STK3: variants seen among roughly 807,000 people sequenced by gnomAD.
STK3 encodes the protein serine/threonine-protein kinase 3.
A neutral mutation model predicts 58.0 loss-of-function variants in STK3; 41 were observed. The observed-to-expected ratio is 0.71, with a 90% CI of 0.55 to 0.92. The LOEUF (loss-of-function observed/expected upper bound fraction) is 0.92, where lower values mean the gene tolerates loss of function less well. Ranked by LOEUF, STK3 falls within the 40% of genes least tolerant of loss-of-function variation. The pLI is 0.00. For synonymous variants in STK3, 170 were observed against 191.0 expected, an observed-to-expected ratio of 0.89 and a Z score of 0.91; for missense variants, 479 against 602.7, an observed-to-expected ratio of 0.79 and a Z score of 2.15.
In STK3 at chr8:98,409,503, T is replaced by C. The variant is rs895200052; in HGVS notation, n.484-7990A>G. Among the ~76,000 whole-genome samples, 6 of 152,354 alleles carry C rather than the reference T, an allele frequency of 3.9e-5. No individual in the cohort carries two copies. In the East Asian group the frequency reaches 1.2e-3, roughly 29 times the overall value. On this transcript the variant is annotated intron_variant and non_coding_transcript_variant, in intron 3 of 3. Transcript: ENST00000517832. ...CCATGCTGTCTGGCCAGCAAAGGCC[T>C]TGTGCATGTCACTGCCCATAGACAG... is the stretch of plus-strand genomic sequence containing the variant.
intron 6 of STK3, among the ~76,000 whole-genome samples, chr8:98,630,249 C>T (rs1258150763): frequency 6.6e-6 from 1 of 152,162 alleles, no homozygotes; most frequent in Non-Finnish European, 1.5e-5. Flanking sequence ...TTAGTTTCAC[C>T]ATATTTGAAT....
At chr8:98,866,365 A>T (rs556420524) in intron 3 of STK3, among the ~76,000 whole-genome samples, 18 of 152,162 alleles carry the variant, frequency 1.2e-4, no homozygotes, top group Admixed American at 2.0e-4. Context: ...TGACTGCTTA[A>T]TGTAGTCTAG....
At chr8:98,433,027 A>G (rs1818361676) in intron 3 of STK3, among the ~76,000 whole-genome samples, 1 of 152,190 alleles carries the variant, frequency 6.6e-6, no homozygotes. Flanking sequence ...GAGGGCATTC[A>G]AAGTTGGGGA....
downstream of STK3, chr8:98,883,498 A>G: frequency 1.7e-6 from 1 of 580,440 alleles, no homozygotes; most frequent in South Asian, 2.2e-5. Flanking sequence ...ACTCTTCTGT[A>G]TTACTGAAGT....
intron 2 of STK3, 149 bp from the exon 3 acceptor site, chr8:98,767,520 A>T (rs528596808): frequency 1.3e-6 from 1 of 769,382 alleles, no homozygotes; most frequent in East Asian, 3.0e-5. Context: ...TAACAATTTT[A>T]AAAGGTAATG....
intron 3 of STK3, among the ~76,000 whole-genome samples, chr8:98,856,667 A>G (rs766011236): frequency 1.3e-5 from 2 of 152,236 alleles, no homozygotes; most frequent in South Asian, 2.1e-4. Flanking sequence ...ACTATTAAAC[A>G]TAAGATTACC....
chr8:98,518,336 A>G (rs990121539), intron 10 of STK3, among the ~76,000 whole-genome samples: 5 of 152,084 alleles, frequency 3.3e-5, no homozygotes, highest in Admixed American at 3.3e-4. Context: ...CACAACCACC[A>G]AATAAAAATT....
At chr8:98,638,134 A>G (rs1385419228) in intron 6 of STK3, among the ~76,000 whole-genome samples, 1 of 152,184 alleles carries the variant, frequency 6.6e-6, no homozygotes, top group Non-Finnish European at 1.5e-5. Context: ...TATAATCATA[A>G]TTTGATATCA....
At chr8:98,784,357 G>A (rs1832319483) in intron 1 of STK3, among the ~76,000 whole-genome samples, 1 of 152,228 alleles carries the variant, frequency 6.6e-6, no homozygotes, top group Non-Finnish European at 1.5e-5. Flanking sequence ...TGCAGGTCAA[G>A]GATGAGAGAA....
chr8:98,782,509 C>G, intron 1 of STK3: 1 of 306,550 alleles, frequency 3.3e-6, no homozygotes, highest in Non-Finnish European at 6.5e-6. Flanking sequence ...TCCTGGCTGA[C>G]CAGGCAGAGG....
At chr8:98,602,877 A>C (rs556900067) in intron 6 of STK3, among the ~76,000 whole-genome samples, 1 of 18,854 alleles carries the variant, frequency 5.3e-5, no homozygotes, top group African/African-American at 1.1e-3. Context: ...CCAAATAACT[A>C]AAAAAAAAAA....
At chr8:98,783,638 T>G (rs1379859648) in intron 1 of STK3, among the ~76,000 whole-genome samples, 4 of 152,248 alleles carry the variant, frequency 2.6e-5, no homozygotes, top group African/African-American at 9.6e-5. Flanking sequence ...TAATTCTTCC[T>G]TCCCAAAAGA....
chr8:98,882,888 C>G (rs1837850566), downstream of STK3: 1 of 152,168 alleles, frequency 6.6e-6, no homozygotes, highest in Non-Finnish European at 1.5e-5. Context: ...ATTTCTAATG[C>G]TGGTTTTACT....
intron 9 of STK3, among the ~76,000 whole-genome samples, chr8:98,541,415 C>T (rs768976522): frequency 2.6e-5 from 4 of 152,128 alleles, no homozygotes; most frequent in African/African-American, 7.2e-5. Flanking sequence ...CCAGCTTCCC[C>T]GTCCCCTTCC....
intron 7 of STK3, among the ~76,000 whole-genome samples, chr8:98,592,955 G>A (rs1178725249): frequency 6.6e-6 from 1 of 151,918 alleles, no homozygotes; most frequent in Non-Finnish European, 1.5e-5. Flanking sequence ...GTATAGACGG[G>A]GTTTCACTAT....
chr8:98,664,427 T>G (rs1822187316), intron 6 of STK3, among the ~76,000 whole-genome samples: 1 of 152,212 alleles, frequency 6.6e-6, no homozygotes. Context: ...ATTTAAAGAT[T>G]ATAATTTATG....
intron 4 of STK3, among the ~76,000 whole-genome samples, chr8:98,733,898 C>T (rs1357382062): frequency 1.3e-5 from 2 of 152,140 alleles, no homozygotes; most frequent in Non-Finnish European, 2.9e-5. Flanking sequence ...TAAAGAACTA[C>T]CTGAGACTGG....
chr8:98,586,600 T>C (rs1039284145), intron 7 of STK3, among the ~76,000 whole-genome samples: 1 of 150,030 alleles, frequency 6.7e-6, no homozygotes, highest in Non-Finnish European at 1.5e-5. Flanking sequence ...ATCAGAATGA[T>C]GCTGGCCTCA....
chr8:98,589,529 C>T lies in STK3; in HGVS notation c.822+6503G>A, dbSNP rs934247310. On this transcript the variant is annotated intron_variant, in intron 7 of 10. Transcript: ENST00000419617. ...TGTCAGACAGGGACATTTAAGTCTG[C>T]AGAGGTTACTGCTGTCTTTTTGTTT... Among the ~76,000 whole-genome samples, 42 of 152,366 alleles carry T rather than the reference C, an allele frequency of 2.8e-4. 1 individual carries two copies. In the East Asian group the frequency reaches 6.0e-3, roughly 22 times the overall value.
Sources: gnomAD v4.1 joint callset for allele counts (sites outside exome capture counted in the v4.1 genomes callset) on GRCh38, gnomAD v4.1.1 for gene constraint, MANE v1.5 for transcripts, NCBI Gene and HGNC (gene_info 2026-07-23, HGNC 2026-07-21) for gene names.